The following KIAA0232 variants were observed in gnomAD, a reference collection of about 807,000 sequenced individuals.
The protein encoded by KIAA0232 is KIAA0232.
KIAA0232 carries 27 observed loss-of-function variants against 122.0 expected under a neutral mutation model. The ratio of observed to expected loss-of-function variants is 0.22; its 90% CI spans 0.16 to 0.31. The LOEUF (loss-of-function observed/expected upper bound fraction) is 0.31. KIAA0232 is among the 10% of genes least tolerant of loss of function. The pLI is 1.00. For missense variants in KIAA0232, 1,551 were observed against 1,634.2 expected (o/e 0.95, Z 0.88); for synonymous variants, 613 against 587.6 (o/e 1.04, Z -0.63).
At chr4:6,872,015 C>T (rs754649392) in intron 8 of KIAA0232, among the ~76,000 whole-genome samples, 18 of 152,294 alleles carry the variant, frequency 1.2e-4, no homozygotes, top group Middle Eastern at 6.8e-3. Context: ...GGAGGGTCGC[C>T]GCCAGGGGAA....
At chr4:6,804,802 G>C (rs1413335367) in intron 2 of KIAA0232, among the ~76,000 whole-genome samples, 196 bp downstream of exon 2, 2 of 152,096 alleles carry the variant, frequency 1.3e-5, no homozygotes, top group Non-Finnish European at 2.9e-5. Flanking sequence ...GGGAATTCTG[G>C]ATATGAAAAC....
intron 1 of KIAA0232, among the ~76,000 whole-genome samples, chr4:6,790,008 G>C (rs1716817362): frequency 1.3e-5 from 2 of 151,968 alleles, no homozygotes; most frequent in Admixed American, 1.3e-4. Flanking sequence ...CAGCCTGGGT[G>C]ACTGAGCGAG....
intron 1 of KIAA0232, among the ~76,000 whole-genome samples, chr4:6,801,950 A>G (rs1453874145): frequency 2.0e-5 from 3 of 152,210 alleles, no homozygotes; most frequent in Non-Finnish European, 2.9e-5. Flanking sequence ...TGTATTGCAC[A>G]TAATAAATAC....
At chr4:6,798,466 T>C (rs1364018818) in intron 1 of KIAA0232, among the ~76,000 whole-genome samples, 2 of 152,198 alleles carry the variant, frequency 1.3e-5, no homozygotes, top group Admixed American at 6.5e-5. Flanking sequence ...TTGAGACATA[T>C]TTGAACAACA....
intron 1 of KIAA0232, among the ~76,000 whole-genome samples, chr4:6,798,080 T>C (rs945620316): frequency 1.3e-5 from 2 of 150,288 alleles, no homozygotes; most frequent in African/African-American, 2.4e-5. Flanking sequence ...AAGAGAGACA[T>C]AAAAATGTTT....
At chr4:6,785,138 C>G (rs977402234) in intron 1 of KIAA0232, among the ~76,000 whole-genome samples, 4 of 151,998 alleles carry the variant, frequency 2.6e-5, no homozygotes, top group Admixed American at 1.3e-4. Flanking sequence ...GGGGCTTCAC[C>G]GTGTTAGCCA....
At chr4:6,847,803 G>A (rs762146758) in intron 4 of KIAA0232, among the ~76,000 whole-genome samples, 41 of 151,762 alleles carry the variant, frequency 2.7e-4, no homozygotes, top group Non-Finnish European at 5.1e-4. Flanking sequence ...TGTTATGACC[G>A]GACCTGGCAT....
At chr4:6,811,702 C>T (rs1207567152) in intron 2 of KIAA0232, among the ~76,000 whole-genome samples, 1 of 151,664 alleles carries the variant, frequency 6.6e-6, no homozygotes, top group East Asian at 1.9e-4. Flanking sequence ...GCCTCGGCCA[C>T]CCAAAGTGCC....
intron 2 of KIAA0232, among the ~76,000 whole-genome samples, chr4:6,806,807 G>T (rs1039465662): frequency 5.3e-5 from 8 of 150,356 alleles, no homozygotes; most frequent in Non-Finnish European, 1.2e-4. Flanking sequence ...AAACTTTCAG[G>T]TCTGTGAGCA....
At chr4:6,853,701 G>T (rs1224120261) in intron 4 of KIAA0232, among the ~76,000 whole-genome samples, 2 of 152,204 alleles carry the variant, frequency 1.3e-5, no homozygotes, top group African/African-American at 4.8e-5. Flanking sequence ...TTTGAGTATG[G>T]AGAGGAGAGA....
intron 6 of KIAA0232, among the ~76,000 whole-genome samples, chr4:6,859,051 C>G (rs1720708541): frequency 6.9e-6 from 1 of 145,254 alleles, no homozygotes; most frequent in Non-Finnish European, 1.5e-5. Flanking sequence ...TGAGCTGAGA[C>G]TGTGCCATTG....
chr4:6,791,943 T>G (rs1716912710), intron 1 of KIAA0232, among the ~76,000 whole-genome samples: 2 of 152,182 alleles, frequency 1.3e-5, no homozygotes, highest in South Asian at 2.1e-4. Flanking sequence ...CTCATGATAG[T>G]GAATACGTCT....
At chr4:6,829,738 A>G (rs938324137) in intron 3 of KIAA0232, among the ~76,000 whole-genome samples, 2 of 152,226 alleles carry the variant, frequency 1.3e-5, no homozygotes, top group Non-Finnish European at 2.9e-5. Context: ...AACATTTTAC[A>G]GTCTTACTCA....
chr4:6,823,282 G>T (rs1386657438), intron 2 of KIAA0232, among the ~76,000 whole-genome samples: 1 of 152,040 alleles, frequency 6.6e-6, no homozygotes, highest in Non-Finnish European at 1.5e-5. Flanking sequence ...ATAGTCCTTT[G>T]GGTATATACC....
chr4:6,869,065 G>T (rs1396619322), intron 7 of KIAA0232, among the ~76,000 whole-genome samples: 1 of 152,164 alleles, frequency 6.6e-6, no homozygotes, highest in Non-Finnish European at 1.5e-5. Flanking sequence ...GCAAAGATGA[G>T]GAAGACGTGG....
At chr4:6,841,960 G>T (rs183628238) in intron 3 of KIAA0232, 107 bp from the exon 4 acceptor site, 2 of 1,269,332 alleles carry the variant, frequency 1.6e-6, no homozygotes, top group Non-Finnish European at 2.2e-6. Context: ...CCTAAAACTC[G>T]TATGGAAATG....
At chr4:6,792,627 T>C (rs1286731628) in intron 1 of KIAA0232, among the ~76,000 whole-genome samples, 2 of 152,062 alleles carry the variant, frequency 1.3e-5, no homozygotes, top group South Asian at 2.1e-4. Flanking sequence ...AATTGCATCA[T>C]ACAGGGCCCT....
At chr4:6,831,938 G>T (rs1239926859) in intron 3 of KIAA0232, among the ~76,000 whole-genome samples, 2 of 152,224 alleles carry the variant, frequency 1.3e-5, no homozygotes, top group Non-Finnish European at 2.9e-5. Flanking sequence ...AGCAGCTGCA[G>T]ATGTCAGTGC....
In KIAA0232 at chr4:6,863,937, A is replaced by G; in HGVS notation, c.3555A>G (p.Glu1185=). ...CCAGGTTAAAAAAATCTGGGATGGAAAAGAGTGCTCAGACATCACTGGATT... is the reference window on the plus strand; with the variant it reads ...CCAGGTTAAAAAAATCTGGGATGGAGAAGAGTGCTCAGACATCACTGGATT... ...FLPRLKKSGM[E]KSAQTSLDSQ... Residue 1185 remains glutamate (E), a synonymous_variant, in exon 7 of 10, where the codon GAA becomes GAG. Coordinates refer to ENST00000307659, the MANE Select transcript of KIAA0232 (RefSeq NM_014743.3). The G allele has an allele frequency of 6.2e-7, 1 of 1,614,066 alleles. No homozygotes were observed. Among genetic ancestry groups the G allele is most frequent in the Non-Finnish European group, 8.5e-7 (1 of 1,180,000 alleles).
Sources: gnomAD v4.1 joint callset for allele counts (sites outside exome capture counted in the v4.1 genomes callset) on GRCh38, gnomAD v4.1.1 for gene constraint, MANE v1.5 for transcripts, NCBI Gene and HGNC (gene_info 2026-07-23, HGNC 2026-07-21) for gene names.